Variants in SMARCAD1 observed in about 807,000 individuals in gnomAD.
SMARCAD1 encodes the protein SWI/SNF-related matrix-associated actin-dependent regulator of chromatin subfamily A containing DEAD/H box 1.
SMARCAD1 carries 25 observed loss-of-function variants against 127.1 expected under a neutral mutation model. The ratio of observed to expected loss-of-function variants is 0.20; its 90% CI spans 0.14 to 0.27. The LOEUF (loss-of-function observed/expected upper bound fraction) is 0.27. Among genes scored for constraint, SMARCAD1 ranks in the 10% least tolerant of loss-of-function variants. SMARCAD1 has a pLI of 1.00. For synonymous variants in SMARCAD1, 400 were observed against 396.9 expected, an observed-to-expected ratio of 1.01 and a Z score of -0.09; for missense variants, 807 against 1,206.0, an observed-to-expected ratio of 0.67 and a Z score of 4.90.
At chr4:94,256,318 T>TCAC (rs1228693692) in intron 9 of SMARCAD1, among the ~76,000 whole-genome samples, 1 of 152,070 alleles carries the variant, frequency 6.6e-6, no homozygotes, top group East Asian at 1.9e-4. Context: ...TGCTCCTCAT[T>TCAC]ATGTTACTCT....
At chr4:94,233,703 G>T (rs1490946357) in intron 3 of SMARCAD1, among the ~76,000 whole-genome samples, 1 of 152,092 alleles carries the variant, frequency 6.6e-6, no homozygotes, top group Non-Finnish European at 1.5e-5. Context: ...ATGCTAGGAA[G>T]TTCCTTTTGT....
chr4:94,252,779 A>G lies in SMARCAD1; in HGVS notation c.1053A>G (p.Pro351=). The change falls in exon 9 of 24, where the codon CCA becomes CCG. Residue 351 remains proline (P), a synonymous_variant. Transcript: ENST00000354268. The part of the protein sequence containing the change: ...NKKRKKNVFN[P]KRVVEDSEYD... ...AACGTAAAAAAAATGTTTTTAATCC[A>G]AAGAGAGTTGTTGAAGACTCTGAAT... 10 of 1,613,386 alleles carry G rather than the reference A, an allele frequency of 6.2e-6. No individual in the cohort carries two copies. The highest frequency in any genetic ancestry group is 8.5e-6 in the Non-Finnish European group (10 of 1,179,872).
intron 23 of SMARCAD1, among the ~76,000 whole-genome samples, chr4:94,289,198 A>G (rs139743463): frequency 8.5e-5 from 13 of 152,282 alleles, no homozygotes; most frequent in African/African-American, 2.6e-4. Flanking sequence ...TGAATTAGAT[A>G]CGATCCAGTG....
At position 94,252,971 on chromosome 4, in the gene SMARCAD1, A is replaced by G. The variant is rs1749505872; in HGVS notation, c.1245A>G (p.Ile415Met). Residue 415 changes from isoleucine (I) to methionine (M), a missense_variant, in exon 9 of 24, where the codon ATA becomes ATG. Coordinates refer to ENST00000354268, the MANE Select transcript of SMARCAD1 (RefSeq NM_020159.5). ...PQCSQKKAQK[I>M]TELRPFNSWE... ...GTTCTCAGAAAAAGGCTCAGAAGAT[A>G]ACAGAACTCCGGCCCTTTAATAGTT... 1 of 1,613,658 alleles carries G rather than the reference A, an allele frequency of 6.2e-7. No individual in the cohort carries two copies. Among genetic ancestry groups the G allele is most frequent in the Non-Finnish European group, 8.5e-7 (1 of 1,179,996 alleles).
intron 6 of SMARCAD1, among the ~76,000 whole-genome samples, chr4:94,248,311 C>A (rs1748767472): frequency 6.6e-6 from 1 of 152,210 alleles, no homozygotes; most frequent in East Asian, 1.9e-4. Flanking sequence ...GTGTTTACCA[C>A]AATTTGTCCA....
Position 94,285,002 on chromosome 4 carries a change from A to C in SMARCAD1, c.2952A>C (p.Glu984Asp). The change falls in exon 23 of 24, where the codon GAA (glutamate) becomes GAC (aspartate). Residue 984 changes from glutamate to aspartate, a missense_variant. Glu to Asp is a conservative substitution (Grantham distance 45, BLOSUM62 2). Around this residue, in one of 8 missense-constraint regions of SMARCAD1, gnomAD observed 36 missense variants for 67.4 expected, o/e 0.53. Coordinates refer to ENST00000354268, the MANE Select transcript of SMARCAD1 (RefSeq NM_020159.5). ...AACTAATAAGCCAAGGGACGATTGA[A>C]GAATCCATGCTAAAAATTAACCAAC... ...VIKLISQGTI[E>D]ESMLKINQQK... 6.2e-7 allele frequency: 1 copy of C among 1,613,414 alleles called. No individual in the cohort carries two copies. The highest frequency in any genetic ancestry group is 8.5e-7 in the Non-Finnish European group (1 of 1,179,474).
In SMARCAD1 at chr4:94,282,053, T is replaced by C. The variant is rs562040118; in HGVS notation, c.2726+463T>C. Among the ~76,000 whole-genome samples, 132 of 150,548 alleles carry C rather than the reference T, an allele frequency of 8.8e-4. 3 individuals are homozygous for C. The highest frequency in any genetic ancestry group is 8.5e-3 in the Admixed American group (129 of 15,088). ...GGACCCTATCTCAAAAAATAAATAATTTTCTTTTAAATTTTCTTTCTGAAT... is the reference window on the plus strand; with the variant it reads ...GGACCCTATCTCAAAAAATAAATAACTTTCTTTTAAATTTTCTTTCTGAAT... On this transcript the variant is annotated intron_variant, in intron 21 of 23. Coordinates refer to ENST00000354268, the MANE Select transcript of SMARCAD1 (RefSeq NM_020159.5).
chr4:94,276,524 C>T (rs754976130), intron 15 of SMARCAD1, 50 bp downstream of exon 15: 53 of 1,589,396 alleles, frequency 3.3e-5, no homozygotes, highest in East Asian at 3.0e-4. Context: ...ATTTAGATTA[C>T]GTAATTTAAT....
chr4:94,264,215 G>A (rs1270447158), intron 9 of SMARCAD1, among the ~76,000 whole-genome samples: 1 of 151,878 alleles, frequency 6.6e-6, no homozygotes, highest in South Asian at 2.1e-4. Context: ...TTTGATGATA[G>A]ATGTGGAAAA....
At chr4:94,236,145 A>G (rs895068498) in intron 4 of SMARCAD1, among the ~76,000 whole-genome samples, 2 of 152,212 alleles carry the variant, frequency 1.3e-5, no homozygotes, top group African/African-American at 4.8e-5. Flanking sequence ...AATAGGATAT[A>G]TCTTAGCATC....
At chr4:94,259,078 T>G (rs775013952) in intron 9 of SMARCAD1, among the ~76,000 whole-genome samples, 3 of 152,206 alleles carry the variant, frequency 2.0e-5, no homozygotes, top group Non-Finnish European at 4.4e-5. Context: ...CTAACTGTTT[T>G]AGCCTCCCTT....
At chr4:94,224,062 T>C (rs1266532676) in intron 2 of SMARCAD1, among the ~76,000 whole-genome samples, 1 of 152,168 alleles carries the variant, frequency 6.6e-6, no homozygotes, top group African/African-American at 2.4e-5. Context: ...ACCTCTATAC[T>C]TACTATATAG....
chr4:94,213,746 T>G (rs1042044407), intron 2 of SMARCAD1, among the ~76,000 whole-genome samples: 1 of 152,020 alleles, frequency 6.6e-6, no homozygotes, highest in African/African-American at 2.4e-5. Context: ...AGCTGGAGGA[T>G]TGACACCATG....
intron 23 of SMARCAD1, among the ~76,000 whole-genome samples, chr4:94,287,594 A>T: frequency 6.6e-6 from 1 of 152,158 alleles, no homozygotes; most frequent in Non-Finnish European, 1.5e-5. Context: ...GCCCCATTCT[A>T]TACCTACTTA....
At chr4:94,218,840 C>G (rs1056973593) in intron 2 of SMARCAD1, among the ~76,000 whole-genome samples, 8 of 152,008 alleles carry the variant, frequency 5.3e-5, no homozygotes, top group African/African-American at 1.9e-4. Context: ...GAGACAGAGT[C>G]TCACTCTGTC....
At chr4:94,269,263 T>C (rs1752183041) in intron 10 of SMARCAD1, among the ~76,000 whole-genome samples, 1 of 152,202 alleles carries the variant, frequency 6.6e-6, no homozygotes, top group Admixed American at 6.5e-5. Flanking sequence ...CAATTTATTA[T>C]ACTATAGCTA....
At position 94,274,977 on chromosome 4, in the gene SMARCAD1, G is replaced by A; in HGVS notation, c.1808+12G>A. Reference sequence around the variant, plus strand: ...GTAATTGTGACCACGTAAGTATTGAGAAATTTGGGGAGGATGGATATTTAT... The same window carrying A: ...GTAATTGTGACCACGTAAGTATTGAAAAATTTGGGGAGGATGGATATTTAT... On this transcript the variant is annotated intron_variant, in intron 14 of 23. Coordinates refer to ENST00000354268, the MANE Select transcript of SMARCAD1 (RefSeq NM_020159.5). 6.4e-7 allele frequency: 1 copy of A among 1,561,892 alleles called. No homozygotes were observed. Among genetic ancestry groups the A allele is most frequent in the Non-Finnish European group, 8.8e-7 (1 of 1,134,336 alleles).
Position 94,223,759 on chromosome 4 carries a change from TTA to T in SMARCAD1, c.191-2359_191-2358del, listed in dbSNP as rs1491579834. Among the ~76,000 whole-genome samples, 36 of 55,392 alleles carry T rather than the reference TTA, an allele frequency of 6.5e-4. 1 individual carries two copies. Among genetic ancestry groups the T allele is most frequent in the African/African-American group, 6.9e-4 (15 of 21,688 alleles). The allele number at this position is 55,392 out of a possible 152,430, so 36.3% of individuals were successfully genotyped here. A position where few individuals can be genotyped will look rare whatever the true frequency, so the allele number is the denominator to read the frequency against. On this transcript the variant is annotated intron_variant, in intron 2 of 23. Transcript: ENST00000354268. ...ATTTTTTTTTTTTTTTTTTTTTTTT[TTA>T]AAGTAGAGACGAGGTTTCACCACCT...
intron 6 of SMARCAD1, 149 bp from the exon 7 acceptor site, chr4:94,249,504 CA>C: frequency 1.6e-6 from 1 of 615,218 alleles, no homozygotes; most frequent in Admixed American, 2.8e-5. Context: ...ATAAATATGT[CA>C]ATGTTCACAG....
Sources: allele counts gnomAD v4.1 joint callset (sites outside exome capture counted in the v4.1 genomes callset), GRCh38; gene constraint gnomAD v4.1.1; regional missense constraint gnomAD v4.1.1; transcripts MANE v1.5; gene names NCBI Gene and HGNC (gene_info 2026-07-23, HGNC 2026-07-21).